Variants in LRRC37A2 observed in about 807,000 individuals in gnomAD.
LRRC37A2 encodes leucine rich repeat containing 37 member A2.
LRRC37A2 carries 9 observed loss-of-function variants against 68.8 expected under a neutral mutation model. That is an observed-to-expected ratio of 0.13 (90% CI 0.08 to 0.23). The LOEUF is 0.23. Ranked by LOEUF, LRRC37A2 falls within the 10% of genes least tolerant of loss-of-function variation. The probability of loss-of-function intolerance (pLI) is 1.00; values close to 1 mark genes in which losing one functional copy is unlikely to be tolerated. For missense variants in LRRC37A2, 168 were observed against 950.4 expected, an observed-to-expected ratio of 0.18 and a Z score of 10.82; for synonymous variants, 63 against 367.6, an observed-to-expected ratio of 0.17 and a Z score of 9.48.
the LRRC37A2 span, among the ~76,000 whole-genome samples, chr17:46,988,816 G>A: frequency 2.6e-5 from 4 of 152,190 alleles, no homozygotes; most frequent in East Asian, 3.8e-4. Flanking sequence ...CACTGAACAC[G>A]TACTGAGCAT....
At chr17:46,873,831 A>G in the LRRC37A2 span, among the ~76,000 whole-genome samples, 1 of 152,020 alleles carries the variant, frequency 6.6e-6, no homozygotes, top group African/African-American at 2.4e-5. Flanking sequence ...CTCTACTAAA[A>G]ATACAAAAAT....
the LRRC37A2 span, among the ~76,000 whole-genome samples, chr17:46,794,901 C>G: frequency 1.3e-5 from 2 of 152,060 alleles, no homozygotes; most frequent in African/African-American, 2.4e-5. Flanking sequence ...TAGGCACCCA[C>G]CACCATGCTT....
At chr17:46,525,748 G>C (rs931853190) in intron 6 of LRRC37A2, among the ~76,000 whole-genome samples, 1 of 94,534 alleles carries the variant, frequency 1.1e-5, no homozygotes, top group African/African-American at 4.3e-5. Context: ...AGAGTGTCAT[G>C]TCCATTTGTG....
At chr17:46,826,586 A>C in the LRRC37A2 span, among the ~76,000 whole-genome samples, 123 of 152,308 alleles carry the variant, frequency 8.1e-4, no homozygotes, top group African/African-American at 2.9e-3. Flanking sequence ...TCTGCCTCTT[A>C]CTATGTGACA....
chr17:47,021,420 A>G, the LRRC37A2 span, among the ~76,000 whole-genome samples: 1 of 99,666 alleles, frequency 1.0e-5, no homozygotes, highest in Non-Finnish European at 2.0e-5. Flanking sequence ...AACAGAGGGC[A>G]CTGGGCCAAA....
At chr17:46,742,710 A>T in the LRRC37A2 span, among the ~76,000 whole-genome samples, 1 of 152,090 alleles carries the variant, frequency 6.6e-6, no homozygotes, top group African/African-American at 2.4e-5. Flanking sequence ...CAGGCAGAGG[A>T]ATCCTCTCTG....
the LRRC37A2 span, among the ~76,000 whole-genome samples, chr17:47,007,646 G>C: frequency 6.6e-6 from 1 of 152,276 alleles, no homozygotes; most frequent in African/African-American, 2.4e-5. Flanking sequence ...AATGATGTTA[G>C]TATCACGTGT....
At chr17:46,754,411 G>A in the LRRC37A2 span, among the ~76,000 whole-genome samples, 1 of 152,130 alleles carries the variant, frequency 6.6e-6, no homozygotes, top group Non-Finnish European at 1.5e-5. Flanking sequence ...GCTGCACTGA[G>A]CATTTGAAAG....
the LRRC37A2 span, among the ~76,000 whole-genome samples, chr17:46,942,552 G>C: frequency 6.6e-6 from 1 of 152,214 alleles, no homozygotes; most frequent in Non-Finnish European, 1.5e-5. Flanking sequence ...GCAGGGGACT[G>C]AGATGGTGCA....
the LRRC37A2 span, among the ~76,000 whole-genome samples, chr17:46,823,167 TA>T: frequency 3.2e-5 from 4 of 126,454 alleles, no homozygotes. Context: ...TATTATATAT[TA>T]TATATTTATA....
the LRRC37A2 span, among the ~76,000 whole-genome samples, chr17:46,992,497 C>T: frequency 6.6e-6 from 1 of 152,106 alleles, no homozygotes; most frequent in Non-Finnish European, 1.5e-5. Context: ...GGGGTGGAAC[C>T]CAGGCATTGA....
At chr17:47,028,406 CA>C in the LRRC37A2 span, 9 of 1,173,784 alleles carry the variant, frequency 7.7e-6, no homozygotes. Context: ...TATTTATCTA[CA>C]AAAACTCATA....
At chr17:46,739,086 AAGT>A in the LRRC37A2 span, among the ~76,000 whole-genome samples, 5 of 150,620 alleles carry the variant, frequency 3.3e-5, no homozygotes, top group Admixed American at 3.3e-4. Context: ...AAATACAAAA[AAGT>A]CCAGGCACGG....
At chr17:46,861,771 A>C in the LRRC37A2 span, among the ~76,000 whole-genome samples, 1 of 152,230 alleles carries the variant, frequency 6.6e-6, no homozygotes. Flanking sequence ...GAAACTTCCA[A>C]GAGGCTGGTT....
At chr17:46,901,437 C>T in the LRRC37A2 span, among the ~76,000 whole-genome samples, 1 of 152,054 alleles carries the variant, frequency 6.6e-6, no homozygotes, top group Non-Finnish European at 1.5e-5. Context: ...GCTGGGATTA[C>T]GGCATGAGCC....
chr17:46,802,881 C>T, the LRRC37A2 span, among the ~76,000 whole-genome samples: 2 of 152,050 alleles, frequency 1.3e-5, no homozygotes, highest in Non-Finnish European at 2.9e-5. Flanking sequence ...AACGTGTGTT[C>T]CTGTGTTCTG....
At chr17:46,503,693 AGTT>A in the LRRC37A2 span, among the ~76,000 whole-genome samples, 2 of 107,442 alleles carry the variant, frequency 1.9e-5, no homozygotes, top group African/African-American at 3.4e-5. Context: ...ATGAACCTCT[AGTT>A]GTTTTAGTTG....
the LRRC37A2 span, among the ~76,000 whole-genome samples, chr17:46,827,813 C>CTT: frequency 8.7e-4 from 124 of 142,026 alleles, no homozygotes; most frequent in African/African-American, 1.7e-3. Flanking sequence ...AAATTTCTTT[C>CTT]TTTTTTTTTT....
chr17:46,849,127 G>C, the LRRC37A2 span, among the ~76,000 whole-genome samples: 556 of 152,348 alleles, frequency 3.6e-3, 3 homozygotes, highest in African/African-American at 0.013. Flanking sequence ...CTAACATCAG[G>C]AGGAGGGAAC....
Sources: allele counts gnomAD v4.1 joint callset (sites outside exome capture counted in the v4.1 genomes callset), GRCh38; gene constraint gnomAD v4.1.1; transcripts MANE v1.5; gene names NCBI Gene and HGNC (gene_info 2026-07-23, HGNC 2026-07-21).